The following RAPH1 variants were observed in gnomAD, a reference collection of about 807,000 sequenced individuals.
The protein encoded by RAPH1 is ras-associated and pleckstrin homology domains-containing protein 1.
RAPH1 carries 18 observed loss-of-function variants against 88.1 expected under a neutral mutation model. That is an observed-to-expected ratio of 0.20 (90% CI 0.14 to 0.30). The LOEUF is 0.30. RAPH1 is among the 10% of genes least tolerant of loss of function. The probability of loss-of-function intolerance (pLI) is 1.00; values close to 1 mark genes in which losing one functional copy is unlikely to be tolerated. For missense variants in RAPH1, 1,448 were observed against 1,543.2 expected, an observed-to-expected ratio of 0.94 and a Z score of 1.03; for synonymous variants, 587 against 559.0, an observed-to-expected ratio of 1.05 and a Z score of -0.71.
chr2:203,440,031 C>T lies in RAPH1; in HGVS notation c.3159G>A (p.Leu1053=), dbSNP rs562180116. Reference sequence around the variant, plus strand: ...CCACGGAGTCCTTTCCACGCCCACTCAGAACAGGGGCTTTTGCTGACACAC... The same window carrying T: ...CCACGGAGTCCTTTCCACGCCCACTTAGAACAGGGGCTTTTGCTGACACAC... ...QGCVSAKAPV[L]SGRGKDSVVE... is the part of the protein sequence containing the mutation. Residue 1053 remains leucine, a synonymous_variant, in exon 14 of 14, where the codon CTG becomes CTA. Coordinates refer to ENST00000319170, the MANE Select transcript of RAPH1 (RefSeq NM_213589.3). 3 of 1,613,698 alleles carry T rather than the reference C, an allele frequency of 1.9e-6. No homozygotes were observed. Among genetic ancestry groups the T allele is most frequent in the East Asian group, 4.5e-5 (2 of 44,856 alleles).
chr2:203,461,783 C>A, intron 5 of RAPH1, 65 bp downstream of exon 5: 1 of 1,176,136 alleles, frequency 8.5e-7, no homozygotes, highest in South Asian at 1.5e-5. Flanking sequence ...ATAAACAAGG[C>A]AATTCTTCAC....
chr2:203,486,692 T>C (rs1207998593), intron 4 of RAPH1, among the ~76,000 whole-genome samples: 1 of 152,178 alleles, frequency 6.6e-6, no homozygotes, highest in Non-Finnish European at 1.5e-5. Context: ...CTAAAATATT[T>C]TTAAAACTGT....
At chr2:203,529,826 G>GT (rs965070584) in intron 1 of RAPH1, among the ~76,000 whole-genome samples, 6 of 152,236 alleles carry the variant, frequency 3.9e-5, no homozygotes, top group African/African-American at 1.4e-4. Context: ...TCCTGATCTT[G>GT]TTTTTCTTCT....
rs1417447954 is a variant in RAPH1 at position 203,440,523 on chromosome 2, A to G, written c.2667T>C (p.Asn889=). Residue 889 remains asparagine, a synonymous_variant, in exon 14 of 14, where the codon AAT becomes AAC. Coordinates refer to ENST00000319170, the MANE Select transcript of RAPH1 (RefSeq NM_213589.3). Reference sequence around the variant, plus strand: ...CTGCAGGAGGGGACTGTGGAGCTACATTTGCTGGGACAGGCTTTAAGGGCT... The same window carrying G: ...CTGCAGGAGGGGACTGTGGAGCTACGTTTGCTGGGACAGGCTTTAAGGGCT... ...ESQPLKPVPA[N]VAPQSPPAVK... The G allele has an allele frequency of 2.6e-6, 4 of 1,531,896 alleles. No individual in the cohort carries two copies. The African/African-American group carries it at 4.2e-5, about 16-fold the overall frequency. 94.9% of individuals were successfully genotyped at this position (1,531,896 alleles called of 1,614,324 possible).
chr2:203,506,748 ATATATATATCTATATATATATC>A lies in RAPH1; in HGVS notation c.1-11417_1-11396del, dbSNP rs1368549517. Among the ~76,000 whole-genome samples the A allele has an allele frequency of 1.6e-3, 212 of 128,704 alleles. 14 individuals are homozygous for A. Among genetic ancestry groups the A allele is most frequent in the African/African-American group, 7.0e-3 (195 of 27,682 alleles). 84.4% of individuals were successfully genotyped at this position (128,704 alleles called of 152,430 possible). A position where few individuals can be genotyped will look rare whatever the true frequency, so the allele number is the denominator to read the frequency against. ...TCCATATATAGATATATATCTATAT[ATATATATATCTATATATATATC>A]TATATATATCTAGATATATATATCT... On this transcript the variant is annotated intron_variant, in intron 1 of 13. Transcript: ENST00000319170.
At chr2:203,464,735 T>C (rs1219634660) in intron 4 of RAPH1, among the ~76,000 whole-genome samples, 1 of 152,042 alleles carries the variant, frequency 6.6e-6, no homozygotes, top group Non-Finnish European at 1.5e-5. Context: ...AAAAAATATT[T>C]GCAAAAGACG....
Position 203,438,079 on chromosome 2 carries a change from C to T in RAPH1, c.*1358G>A, listed in dbSNP as rs2098499911. 1 of 508,502 alleles carries T rather than the reference C, an allele frequency of 2.0e-6. No homozygotes were observed. The highest frequency in any genetic ancestry group is 3.9e-6 in the Non-Finnish European group (1 of 255,000). 31.5% of individuals were successfully genotyped at this position (508,502 alleles called of 1,614,324 possible). A position where few individuals can be genotyped will look rare whatever the true frequency, so the allele number is the denominator to read the frequency against. On this transcript the variant is annotated 3_prime_UTR_variant, in exon 14 of 14. Transcript: ENST00000319170. ...TGACTCCACGTTATACCAAACTGCA[C>T]ACGCATAAAACGTAATGTCAGTTAC...
chr2:203,506,221 C>T (rs1286613709), intron 1 of RAPH1, among the ~76,000 whole-genome samples: 2 of 152,068 alleles, frequency 1.3e-5, no homozygotes, highest in Non-Finnish European at 2.9e-5. Context: ...TAAATAAACT[C>T]AAGGTTTCAA....
intron 1 of RAPH1, among the ~76,000 whole-genome samples, chr2:203,518,728 G>A (rs1270552421): frequency 6.6e-6 from 1 of 151,874 alleles, no homozygotes; most frequent in Non-Finnish European, 1.5e-5. Context: ...TGTGCCTGTA[G>A]TCCTAGTTAC....
chr2:203,528,376 T>C (rs1464718247), intron 1 of RAPH1, among the ~76,000 whole-genome samples: 1 of 152,200 alleles, frequency 6.6e-6, no homozygotes, highest in East Asian at 1.9e-4. Context: ...AATCCATTTA[T>C]TAAAACTTTA....
chr2:203,518,089 T>C (rs1689697668), intron 1 of RAPH1, among the ~76,000 whole-genome samples: 1 of 151,948 alleles, frequency 6.6e-6, no homozygotes. Flanking sequence ...TAAAATTAAA[T>C]TTAAAAAATC....
intron 1 of RAPH1, among the ~76,000 whole-genome samples, chr2:203,534,713 C>G (rs1270688289): frequency 2.0e-5 from 3 of 152,198 alleles, no homozygotes; most frequent in African/African-American, 7.2e-5. Context: ...CCAAGCAACC[C>G]GACATCCAGT....
chr2:203,509,217 C>T (rs764627005), intron 1 of RAPH1, among the ~76,000 whole-genome samples: 5 of 151,692 alleles, frequency 3.3e-5, no homozygotes, highest in Non-Finnish European at 7.4e-5. Flanking sequence ...ATTACAGGTG[C>T]ACACCACCAC....
chr2:203,457,473 C>T lies in RAPH1; in HGVS notation c.1158+57G>A. 4 of 1,415,446 alleles carry T rather than the reference C, an allele frequency of 2.8e-6. No individual in the cohort carries two copies. In the Admixed American group the frequency reaches 5.0e-5, roughly 18 times the overall value. 87.7% of individuals were successfully genotyped at this position (1,415,446 alleles called of 1,614,324 possible). On this transcript the variant is annotated intron_variant, in intron 8 of 13. Transcript: ENST00000319170. The stretch of plus-strand genomic sequence containing the variant: ...TGTTGGGATTGCAGGCGTGAGCCAC[C>T]ATGCCTGGCCTAATATTTTAATTTT...
chr2:203,472,433 C>T (rs567489200), intron 4 of RAPH1, among the ~76,000 whole-genome samples: 5 of 152,266 alleles, frequency 3.3e-5, no homozygotes, highest in South Asian at 4.1e-4. Context: ...TGCCCAGCCA[C>T]GTTTCTTTAC....
chr2:203,520,874 T>C (rs1044061496), intron 1 of RAPH1, among the ~76,000 whole-genome samples: 1 of 152,146 alleles, frequency 6.6e-6, no homozygotes, highest in Non-Finnish European at 1.5e-5. Context: ...CACTTCTAAG[T>C]GTCCAACTGG....
At position 203,455,593 on chromosome 2, in the gene RAPH1, G is replaced by A; in HGVS notation, c.1159-13C>T. 1 of 1,609,488 alleles carries A rather than the reference G, an allele frequency of 6.2e-7. No individual in the cohort carries two copies. The highest frequency in any genetic ancestry group is 1.7e-4 in the Middle Eastern group (1 of 6,036). On this transcript the variant is annotated splice_polypyrimidine_tract_variant and intron_variant, in intron 8 of 13. Coordinates refer to ENST00000319170, the MANE Select transcript of RAPH1 (RefSeq NM_213589.3). ...CACAAAAACATTCCTAAAATAACAA[G>A]ATTATTTGCAAAGACTTATGATCGT...
Position 203,439,363 on chromosome 2 carries a change from T to A in RAPH1, c.*74A>T. ...ATCATACCAGGAGGCTCTGAACACCTGAATTCACAGATGATCAGGTGAGCT... is the reference window on the plus strand; with the variant it reads ...ATCATACCAGGAGGCTCTGAACACCAGAATTCACAGATGATCAGGTGAGCT... On this transcript the variant is annotated 3_prime_UTR_variant, in exon 14 of 14. Transcript: ENST00000319170. The A allele has an allele frequency of 6.9e-7, 1 of 1,451,598 alleles. No individual in the cohort carries two copies. The highest frequency in any genetic ancestry group is 2.3e-5 in the East Asian group (1 of 43,860). 89.9% of individuals were successfully genotyped at this position (1,451,598 alleles called of 1,614,324 possible).
In RAPH1 at chr2:203,436,728, C is replaced by G. The variant is rs553431795; in HGVS notation, c.*2709G>C. On this transcript the variant is annotated 3_prime_UTR_variant, in exon 14 of 14. Transcript: ENST00000319170. ...GCCAAGCTGGGTGAGAGCTGCAGAG[C>G]AGAGGGCAGTGAAAGAAGGCACAGT... 2.0e-5 allele frequency: 3 copies of G among 152,198 alleles called. No homozygotes were observed. Among genetic ancestry groups the G allele is most frequent in the African/African-American group, 7.2e-5 (3 of 41,426 alleles). The allele number at this position is 152,198 out of a possible 1,614,324, so 9.4% of individuals were successfully genotyped here. A position where few individuals can be genotyped will look rare whatever the true frequency, so the allele number is the denominator to read the frequency against.
Sources: gnomAD v4.1 joint callset for allele counts (sites outside exome capture counted in the v4.1 genomes callset) on GRCh38, gnomAD v4.1.1 for gene constraint, MANE v1.5 for transcripts, NCBI Gene and HGNC (gene_info 2026-07-23, HGNC 2026-07-21) for gene names.